SLC5A10: variants seen among roughly 807,000 people sequenced by gnomAD.
SLC5A10 encodes the protein solute carrier family 5 member 10.
In SLC5A10, 55 loss-of-function variants were observed where a neutral mutation model predicts 68.9. The ratio of observed to expected loss-of-function variants is 0.80; its 90% CI spans 0.64 to 1.00. The LOEUF (loss-of-function observed/expected upper bound fraction) is 1.00, where lower values mean the gene tolerates loss of function less well. Among genes scored for constraint, SLC5A10 ranks in the 50% least tolerant of loss-of-function variants. The pLI is 0.00. For missense variants in SLC5A10, 732 were observed against 819.3 expected (o/e 0.89, Z 1.30); for synonymous variants, 344 against 344.8 (o/e 1.00, Z 0.02).
intron 9 of SLC5A10, chr17:18,978,056 T>C: frequency 6.6e-7 from 1 of 1,520,378 alleles, no homozygotes; most frequent in African/African-American, 1.4e-5. Context: ...GTCTGTCCCA[T>C]TCTGGGGAGC....
chr17:18,963,648 G>A (rs548793946), intron 5 of SLC5A10, among the ~76,000 whole-genome samples: 72 of 152,360 alleles, frequency 4.7e-4, no homozygotes, highest in African/African-American at 1.5e-3. Context: ...ACATGTCTGC[G>A]CATCCAGCAC....
chr17:18,981,198 A>G (rs1255620032), intron 9 of SLC5A10, among the ~76,000 whole-genome samples: 3 of 152,134 alleles, frequency 2.0e-5, no homozygotes, highest in Non-Finnish European at 4.4e-5. Flanking sequence ...TGAAGTGTGA[A>G]GGGCTGGCCG....
In SLC5A10 at chr17:18,971,158, G is replaced by A. The variant is rs781297592; in HGVS notation, c.786G>A (p.Pro262=). Residue 262 remains proline (P), a synonymous_variant, in exon 8 of 15, where the codon CCG becomes CCA. Coordinates refer to ENST00000395645, the MANE Select transcript of SLC5A10 (RefSeq NM_001042450.4). The surrounding 1 kb of genome is among the most constrained non-coding windows in gnomAD (Gnocchi z 5.5). The stretch of plus-strand genomic sequence containing the variant: ...GAGACCCCCACACAGGGGACCTGCC[G>A]TGGACCGGGATGACCTTTGGCCTGA... ...MFRDPHTGDL[P]WTGMTFGLTI... is the part of the protein sequence containing the mutation. 82 of 1,614,092 alleles carry A rather than the reference G, an allele frequency of 5.1e-5. No homozygotes were observed. The East Asian group carries it at 1.1e-3, about 21-fold the overall frequency.
At chr17:19,019,302 G>A (rs764330580) in intron 11 of SLC5A10, 121 bp from the exon 12 acceptor site, 9 of 1,245,788 alleles carry the variant, frequency 7.2e-6, no homozygotes, top group Non-Finnish European at 8.8e-6. Flanking sequence ...AGTCCAGGGA[G>A]GAGGCTGGAG....
At chr17:19,015,229 G>GCGGCCAGTAC in intron 11 of SLC5A10, 30 bp downstream of exon 11, 1 of 1,284,166 alleles carries the variant, frequency 7.8e-7, no homozygotes, top group Non-Finnish European at 1.1e-6. Context: ...TACGGGGGTG[G>GCGGCCAGTAC]GGGAACACTA....
At position 19,004,494 on chromosome 17, in the gene SLC5A10, G is replaced by C. The variant is rs2043825750; in HGVS notation, c.983-8916G>C. Among the ~76,000 whole-genome samples, 1 of 152,182 alleles carries C rather than the reference G, an allele frequency of 6.6e-6. No individual in the cohort carries two copies. Among genetic ancestry groups the C allele is most frequent in the African/African-American group, 2.4e-5 (1 of 41,464 alleles). On this transcript the variant is annotated intron_variant, in intron 9 of 14. Transcript: ENST00000395645. The surrounding 1 kb of genome is among the most constrained non-coding windows in gnomAD (Gnocchi z 5.4). ...CGGGGAACTTCCCAGTAGCTTCTTAGAGTGGGAGGCGGCCCCGGCACAGAG... is the reference window on the plus strand; with the variant it reads ...CGGGGAACTTCCCAGTAGCTTCTTACAGTGGGAGGCGGCCCCGGCACAGAG...
intron 9 of SLC5A10, among the ~76,000 whole-genome samples, chr17:19,011,466 G>A (rs532830289): frequency 6.6e-6 from 1 of 152,316 alleles, no homozygotes; most frequent in African/African-American, 2.4e-5. Context: ...CAAGGGCCTC[G>A]AATGCCATAG....
intron 3 of SLC5A10, 62 bp downstream of exon 3, chr17:18,959,301 T>C: frequency 1.3e-6 from 2 of 1,538,148 alleles, no homozygotes; most frequent in South Asian, 2.2e-5. Flanking sequence ...GTCGCAGCAC[T>C]GGAGGGGGAC....
At position 19,004,794 on chromosome 17, in the gene SLC5A10, G is replaced by A. The variant is rs566220784; in HGVS notation, c.983-8616G>A. 2.0e-5 allele frequency: 3 copies of A among 150,896 alleles called. No homozygotes were observed. The highest frequency in any genetic ancestry group is 3.9e-4 in the East Asian group (2 of 5,162). The allele number at this position is 150,896 out of a possible 1,614,324, so 9.3% of individuals were successfully genotyped here. ...GGCGGGGGCGCGCCGGTGACTCAGGGCCGCCCCGCTTACCCCGCCGCCGCC... is the reference window on the plus strand; with the variant it reads ...GGCGGGGGCGCGCCGGTGACTCAGGACCGCCCCGCTTACCCCGCCGCCGCC... On this transcript the variant is annotated intron_variant, in intron 9 of 14. Coordinates refer to ENST00000395645, the MANE Select transcript of SLC5A10 (RefSeq NM_001042450.4). This position sits in a 1 kb window ranked among gnomAD's most constrained non-coding sequence, Gnocchi z 5.4.
chr17:19,013,400 T>C lies in SLC5A10; in HGVS notation c.983-10T>C. On this transcript the variant is annotated splice_polypyrimidine_tract_variant and intron_variant, in intron 9 of 14. Transcript: ENST00000395645. ...TGAGGAGAGACACCAAGTGTCCGTC[T>C]CTCGAACAGATGATGTGGGCTGCGT... 6.2e-7 allele frequency: 1 copy of C among 1,606,190 alleles called. No individual in the cohort carries two copies. The highest frequency in any genetic ancestry group is 8.5e-7 in the Non-Finnish European group (1 of 1,176,068).
intron 5 of SLC5A10, among the ~76,000 whole-genome samples, chr17:18,961,949 T>C (rs1429819510): frequency 2.0e-5 from 3 of 152,234 alleles, no homozygotes; most frequent in Non-Finnish European, 4.4e-5. Context: ...CTTCGCCAGA[T>C]GCCCTTGGCG....
chr17:18,978,991 G>T, intron 9 of SLC5A10: 3 of 927,688 alleles, frequency 3.2e-6, no homozygotes, highest in South Asian at 1.7e-5. Context: ...GAGAGCAGGT[G>T]CATACTGTGG....
rs145087730 is a variant in SLC5A10, at chr17:18,975,273, G to T, written c.847-1581G>T. ...CAGGAAGGACAGCAGCTTGCCCTGC[G>T]TTCGGAGGCTGCAGCCCGCAGGCAT... On this transcript the variant is annotated intron_variant, in intron 8 of 14. Transcript: ENST00000395645. Among the ~76,000 whole-genome samples, 63 of 152,330 alleles carry T rather than the reference G, an allele frequency of 4.1e-4. 1 individual carries two copies. The East Asian group carries it at 0.01, about 25-fold the overall frequency.
rs1020981362 is a variant in SLC5A10, at chr17:19,003,147, G to C, written c.983-10263G>C. Among the ~76,000 whole-genome samples, 4 of 151,394 alleles carry C rather than the reference G, an allele frequency of 2.6e-5. No homozygotes were observed. Among genetic ancestry groups the C allele is most frequent in the African/African-American group, 9.7e-5 (4 of 41,138 alleles). ...CCACCAGAGAGCTCATGGTGTGTGC[G>C]CGCCTTTACAGTGAATCAGAGCCAC... On this transcript the variant is annotated intron_variant, in intron 9 of 14. Coordinates refer to ENST00000395645, the MANE Select transcript of SLC5A10 (RefSeq NM_001042450.4). The surrounding 1 kb of genome is among the most constrained non-coding windows in gnomAD (Gnocchi z 4.5).
intron 9 of SLC5A10, chr17:18,977,951 A>G (rs746816131): frequency 3.1e-6 from 5 of 1,601,788 alleles, no homozygotes; most frequent in Non-Finnish European, 4.3e-6. Context: ...CCCATTGGGG[A>G]GCCCCACCCC....
intron 9 of SLC5A10, among the ~76,000 whole-genome samples, chr17:18,995,458 TG>T (rs2043541866): frequency 6.6e-6 from 1 of 152,156 alleles, no homozygotes; most frequent in Admixed American, 6.5e-5. Flanking sequence ...TGAAAGAACA[TG>T]AACACAGCAT....
At chr17:18,965,059 G>A (rs963270976) in intron 5 of SLC5A10, among the ~76,000 whole-genome samples, 18 of 149,634 alleles carry the variant, frequency 1.2e-4, no homozygotes, top group South Asian at 4.2e-4. Flanking sequence ...CAGGAAAATC[G>A]CTTGAACCCA....
intron 7 of SLC5A10, chr17:18,970,795 A>G (rs1433075908): frequency 3.5e-6 from 2 of 576,872 alleles, no homozygotes; most frequent in African/African-American, 3.7e-5. Flanking sequence ...ACTTAATAGT[A>G]TTATTTTAAA....
chr17:18,964,439 A>G (rs1377741937), intron 5 of SLC5A10, among the ~76,000 whole-genome samples: 3 of 152,164 alleles, frequency 2.0e-5, no homozygotes, highest in East Asian at 1.9e-4. Context: ...TCCCTGCCCT[A>G]TGGAAATCAC....
Sources: allele counts gnomAD v4.1 joint callset (sites outside exome capture counted in the v4.1 genomes callset), GRCh38; gene constraint gnomAD v4.1.1; non-coding constraint Gnocchi (gnomAD v3.1); transcripts MANE v1.5; gene names NCBI Gene and HGNC (gene_info 2026-07-23, HGNC 2026-07-21).